STPG2: variants seen among roughly 807,000 people sequenced by gnomAD.
STPG2 encodes sperm tail PG-rich repeat containing 2, also known as sperm-tail PG-rich repeat-containing protein 2.
Under a neutral mutation model 54.2 loss-of-function variants are expected in STPG2, and 56 were observed. The observed-to-expected ratio is 1.03, with a 90% CI of 0.83 to 1.29. STPG2 has a LOEUF of 1.29. Ranked by LOEUF, STPG2 falls within the 50% of genes most tolerant of loss-of-function variation. STPG2 has a pLI of 0.00. For missense variants in STPG2, 596 were observed against 544.9 expected, an observed-to-expected ratio of 1.09 and a Z score of -0.93; for synonymous variants, 200 against 181.8, an observed-to-expected ratio of 1.10 and a Z score of -0.81.
chr4:97,498,188 T>G (rs1730650863), intron 4 of STPG2, among the ~76,000 whole-genome samples: 1 of 151,974 alleles, frequency 6.6e-6, no homozygotes, highest in Non-Finnish European at 1.5e-5. Flanking sequence ...TCAGGTAGGC[T>G]CTCATATAAT....
chr4:97,568,819 C>T (rs1732521583), intron 10 of STPG2, among the ~76,000 whole-genome samples: 1 of 151,864 alleles, frequency 6.6e-6, no homozygotes, highest in Non-Finnish European at 1.5e-5. Context: ...AAGATCCTAG[C>T]AGTTGTTTGA....
intron 5 of STPG2, among the ~76,000 whole-genome samples, chr4:98,082,747 C>T (rs777174436): frequency 3.9e-5 from 6 of 151,906 alleles, no homozygotes; most frequent in African/African-American, 7.2e-5. Flanking sequence ...CCACCACGCC[C>T]GGCTGGTCCA....
intron 8 of STPG2, among the ~76,000 whole-genome samples, chr4:97,877,637 C>A (rs1730226810): frequency 6.6e-6 from 1 of 152,058 alleles, no homozygotes; most frequent in Non-Finnish European, 1.5e-5. Context: ...GGGAAACTGC[C>A]CCCATGATTC....
chr4:97,976,203 A>G (rs1734493324), intron 6 of STPG2, among the ~76,000 whole-genome samples: 1 of 152,146 alleles, frequency 6.6e-6, no homozygotes, highest in Admixed American at 6.6e-5. Flanking sequence ...GTGCTAATAT[A>G]TATTATTCCC....
chr4:97,793,355 T>C (rs1727062516), intron 9 of STPG2, among the ~76,000 whole-genome samples: 1 of 136,960 alleles, frequency 7.3e-6, no homozygotes, highest in African/African-American at 2.9e-5. Flanking sequence ...ATATATAAAA[T>C]TAGAGTTTTA....
chr4:97,608,758 G>C (rs1733656263), intron 10 of STPG2, among the ~76,000 whole-genome samples: 1 of 151,926 alleles, frequency 6.6e-6, no homozygotes, highest in Admixed American at 6.6e-5. Flanking sequence ...CATTCATTTT[G>C]AGCCAGGAAA....
intron 7 of STPG2, among the ~76,000 whole-genome samples, chr4:97,969,854 A>G (rs1734258272): frequency 6.6e-6 from 1 of 152,200 alleles, no homozygotes; most frequent in Admixed American, 6.5e-5. Flanking sequence ...TTCAATCAGG[A>G]AAGGAGGAAG....
At chr4:98,011,805 T>A (rs922577728) in intron 5 of STPG2, among the ~76,000 whole-genome samples, 4 of 152,158 alleles carry the variant, frequency 2.6e-5, no homozygotes, top group African/African-American at 9.7e-5. Context: ...TTTGATGGGA[T>A]TGTTTGTTTT....
At chr4:98,068,149 C>T (rs544818754) in intron 5 of STPG2, among the ~76,000 whole-genome samples, 1 of 152,268 alleles carries the variant, frequency 6.6e-6, no homozygotes, top group East Asian at 1.9e-4. Context: ...CCCTTGCCAC[C>T]ACAGGGCCTT....
chr4:97,970,907 C>T lies in STPG2; in HGVS notation c.933+1373G>A, dbSNP rs1000992448. On this transcript the variant is annotated intron_variant, in intron 7 of 10. Coordinates refer to ENST00000295268, the MANE Select transcript of STPG2 (RefSeq NM_174952.3). Reference sequence around the variant, plus strand: ...AATGGGAGAAAATTTTTGCAATCTACCCATCTGACAAAGGGCTAATATCCA... The same window carrying T: ...AATGGGAGAAAATTTTTGCAATCTATCCATCTGACAAAGGGCTAATATCCA... 1.2e-3 allele frequency among the ~76,000 whole-genome samples: 179 copies of T among 152,224 alleles called. 1 individual carries two copies. The highest frequency in any genetic ancestry group is 4.1e-3 in the African/African-American group (171 of 41,544).
At chr4:97,529,327 G>T (rs1218880547) in intron 4 of STPG2, among the ~76,000 whole-genome samples, 1 of 152,194 alleles carries the variant, frequency 6.6e-6, no homozygotes, top group Non-Finnish European at 1.5e-5. Flanking sequence ...TCCCAGGGAT[G>T]AAGCTGATTT....
chr4:97,615,828 G>C (rs1259369714), intron 10 of STPG2, among the ~76,000 whole-genome samples: 1 of 150,934 alleles, frequency 6.6e-6, no homozygotes, highest in Non-Finnish European at 1.5e-5. Context: ...TTAAGGTCAG[G>C]AGTTCAAGAC....
intron 1 of STPG2, among the ~76,000 whole-genome samples, chr4:98,138,095 TTATGTATGGGAGACATGCATGTATGA>T (rs1398165199): frequency 2.6e-5 from 4 of 152,010 alleles, no homozygotes; most frequent in African/African-American, 9.7e-5. Flanking sequence ...GAATGTTTTA[TTATGTATGGGAGACATGCATGTATGA>T]TAGGCAGTGA....
At chr4:97,910,176 C>A (rs372407804) in intron 8 of STPG2, among the ~76,000 whole-genome samples, 1 of 152,266 alleles carries the variant, frequency 6.6e-6, no homozygotes, top group African/African-American at 2.4e-5. Flanking sequence ...AACAAGGTGA[C>A]ATTCCTCCCA....
In STPG2 at chr4:97,895,394, T is replaced by G. The variant is rs536779990; in HGVS notation, c.1044+48503A>C. On this transcript the variant is annotated intron_variant, in intron 8 of 10. Coordinates refer to ENST00000295268, the MANE Select transcript of STPG2 (RefSeq NM_174952.3). The stretch of plus-strand genomic sequence containing the variant: ...TATTGCAAAGTATCTCCTATGCAAC[T>G]GAAAAAAGCATGGAGGATGTATGTC... Among the ~76,000 whole-genome samples the G allele has an allele frequency of 2.6e-5, 4 of 151,986 alleles. No individual in the cohort carries two copies. The South Asian group carries it at 8.3e-4, about 31-fold the overall frequency.
intron 7 of STPG2, among the ~76,000 whole-genome samples, chr4:97,958,076 A>AG (rs987702180): frequency 6.6e-6 from 1 of 152,124 alleles, no homozygotes; most frequent in African/African-American, 2.4e-5. Flanking sequence ...TGGGAGGCAG[A>AG]GGGGGGACAG....
chr4:97,948,266 T>A (rs1027987072), intron 7 of STPG2, among the ~76,000 whole-genome samples: 2 of 152,050 alleles, frequency 1.3e-5, no homozygotes, highest in African/African-American at 2.4e-5. Flanking sequence ...GGTTGTAATG[T>A]CTCCAATTTT....
At chr4:98,035,767 TA>T (rs1431091532) in intron 5 of STPG2, among the ~76,000 whole-genome samples, 1 of 151,998 alleles carries the variant, frequency 6.6e-6, no homozygotes, top group Non-Finnish European at 1.5e-5. Context: ...TATGCAGCCA[TA>T]AAAAAGGATG....
At chr4:97,589,497 C>A (rs954557940) in intron 10 of STPG2, among the ~76,000 whole-genome samples, 1 of 151,986 alleles carries the variant, frequency 6.6e-6, no homozygotes, top group African/African-American at 2.4e-5. Context: ...ATAATTCATT[C>A]CCTTAACAAA....
Sources: allele counts gnomAD v4.1 joint callset (sites outside exome capture counted in the v4.1 genomes callset), GRCh38; gene constraint gnomAD v4.1.1; transcripts MANE v1.5; gene names NCBI Gene and HGNC (gene_info 2026-07-23, HGNC 2026-07-21).